Variants in GABRA3 observed in about 807,000 individuals in gnomAD.
GABRA3 encodes gamma-aminobutyric acid type A receptor subunit alpha3.
In GABRA3, 10 loss-of-function variants were observed where a neutral mutation model predicts 30.1. That is an observed-to-expected ratio of 0.33 (90% CI 0.20 to 0.56). GABRA3 has a LOEUF of 0.56. GABRA3 is among the 20% of genes least tolerant of loss of function. The pLI, the probability that GABRA3 is intolerant of heterozygous loss-of-function variation, is 0.89. For missense variants in GABRA3, 233 were observed against 392.0 expected, an observed-to-expected ratio of 0.59 and a Z score of 3.42; for synonymous variants, 151 against 146.8, an observed-to-expected ratio of 1.03 and a Z score of -0.21.
intron 4 of GABRA3, among the ~76,000 whole-genome samples, chrX:152,270,557 CAGA>C (rs1463694512): frequency 3.6e-5 from 4 of 110,952 alleles, no homozygotes; most frequent in Non-Finnish European, 5.7e-5. Context: ...TTGGAGGGCT[CAGA>C]AGAAGTCAGA....
chrX:152,395,117 A>C (rs1225367755), intron 1 of GABRA3, among the ~76,000 whole-genome samples: 1 of 111,125 alleles, frequency 9.0e-6, no homozygotes, highest in Non-Finnish European at 1.9e-5. Flanking sequence ...TGGTACAAAA[A>C]AAAGACTCAC....
chrX:152,298,228 TG>T (rs1420536617), intron 3 of GABRA3, among the ~76,000 whole-genome samples: 5 of 111,940 alleles, frequency 4.5e-5, no homozygotes, highest in African/African-American at 1.3e-4. Flanking sequence ...TTTCCTTGTC[TG>T]TTTTTTTTAT....
At chrX:152,296,387 T>C (rs1449431766) in intron 3 of GABRA3, among the ~76,000 whole-genome samples, 9 of 112,099 alleles carry the variant, frequency 8.0e-5, no homozygotes, top group African/African-American at 2.9e-4. Context: ...GGGACTAAGA[T>C]ACTATAAGTA....
At chrX:152,343,052 T>C (rs191864070) in intron 3 of GABRA3, among the ~76,000 whole-genome samples, 1 of 111,820 alleles carries the variant, frequency 8.9e-6, no homozygotes, top group Admixed American at 9.5e-5. Flanking sequence ...AAGCACCCTC[T>C]ACAGATTTCT....
intron 1 of GABRA3, among the ~76,000 whole-genome samples, chrX:152,367,199 A>G (rs1219740313): frequency 9.0e-6 from 1 of 111,252 alleles, no homozygotes; most frequent in African/African-American, 3.3e-5. Flanking sequence ...GTAGACAACC[A>G]TAGTGTATGC....
At chrX:152,309,824 T>G (rs1039413186) in intron 3 of GABRA3, among the ~76,000 whole-genome samples, 2 of 111,922 alleles carry the variant, frequency 1.8e-5, no homozygotes, top group African/African-American at 6.5e-5. Context: ...CCCAATTAAA[T>G]GGCACAGAGT....
At chrX:152,234,496 C>G (rs1357971950) in intron 5 of GABRA3, among the ~76,000 whole-genome samples, 1 of 111,097 alleles carries the variant, frequency 9.0e-6, no homozygotes. Context: ...TTTCTCTATT[C>G]TTGTTCTCAT....
intron 2 of GABRA3, among the ~76,000 whole-genome samples, chrX:152,359,537 T>G (rs1191255567): frequency 2.7e-5 from 3 of 111,268 alleles, no homozygotes; most frequent in Non-Finnish European, 5.7e-5. Context: ...TATGTTTTTT[T>G]GCATCTCAAT....
Position 152,426,533 on chromosome X carries a change from C to G in GABRA3, c.-27+24613G>C, listed in dbSNP as rs1366464484. ...CTTCATACTCAATTCTACTCTAGATCCAACCCTGTGGTGGGCATGGTGAGA... is the reference window on the plus strand; with the variant it reads ...CTTCATACTCAATTCTACTCTAGATGCAACCCTGTGGTGGGCATGGTGAGA... On this transcript the variant is annotated intron_variant, in intron 1 of 9. Coordinates refer to ENST00000370314, the MANE Select transcript of GABRA3 (RefSeq NM_000808.4). Among the ~76,000 whole-genome samples, 3 of 111,633 alleles carry G rather than the reference C, an allele frequency of 2.7e-5. No homozygotes were observed. The Admixed American group carries it at 2.8e-4, about 11-fold the overall frequency.
intron 1 of GABRA3, among the ~76,000 whole-genome samples, chrX:152,424,295 C>G (rs775527531): frequency 9.2e-6 from 1 of 109,100 alleles, no homozygotes; most frequent in East Asian, 2.9e-4. Flanking sequence ...AATTTTACCC[C>G]CTAACACCCC....
At chrX:152,407,603 A>C (rs1263464456) in intron 1 of GABRA3, among the ~76,000 whole-genome samples, 2 of 112,080 alleles carry the variant, frequency 1.8e-5, no homozygotes, top group Non-Finnish European at 3.8e-5. Context: ...CCATCAAAGA[A>C]AAGCTCAGGA....
intron 3 of GABRA3, 21 bp downstream of exon 3, chrX:152,345,560 A>G: frequency 8.4e-7 from 1 of 1,190,344 alleles, no homozygotes; most frequent in East Asian, 3.0e-5. Context: ...AAAGGACTTC[A>G]AAGATCTTAA....
intron 1 of GABRA3, among the ~76,000 whole-genome samples, chrX:152,408,890 GAA>G (rs1337410546): frequency 2.7e-5 from 3 of 111,482 alleles, no homozygotes; most frequent in Non-Finnish European, 5.6e-5. Context: ...CAATGGAATA[GAA>G]TAGATAAATC....
At chrX:152,405,766 G>T (rs1279167716) in intron 1 of GABRA3, among the ~76,000 whole-genome samples, 1 of 111,430 alleles carries the variant, frequency 9.0e-6, no homozygotes, top group Non-Finnish European at 1.9e-5. Context: ...GTCCTGGCAG[G>T]ATTCACCACC....
chrX:152,174,060 C>G (rs1210713705), intron 9 of GABRA3, among the ~76,000 whole-genome samples: 3 of 109,625 alleles, frequency 2.7e-5, no homozygotes, highest in African/African-American at 6.7e-5. Flanking sequence ...TTGTCCTTGC[C>G]ATAGTTTGCT....
Position 152,168,393 on chromosome X carries a change from G to A in GABRA3, c.1314C>T (p.Tyr438=), listed in dbSNP as rs201798009. The change falls in exon 10 of 10, where the codon TAC becomes TAT. Residue 438 remains tyrosine (Y), a synonymous_variant. Transcript: ENST00000370314. ...TGGTCTCAGTCGGGCTGTCCTGCAC[G>A]TAGGTGGCCTTGGGTGAAGCAATGA... The part of the protein sequence containing the change: ...PTIIASPKAT[Y]VQDSPTETKT... The A allele has an allele frequency of 2.6e-5, 32 of 1,210,463 alleles. No homozygotes were observed. Among genetic ancestry groups the A allele is most frequent in the Middle Eastern group, 2.3e-4 (1 of 4,374 alleles).
At chrX:152,336,492 A>G (rs1242637150) in intron 3 of GABRA3, among the ~76,000 whole-genome samples, 1 of 112,092 alleles carries the variant, frequency 8.9e-6, no homozygotes, top group Non-Finnish European at 1.9e-5. Context: ...CACCCATCCC[A>G]TAAGTTTAAA....
intron 1 of GABRA3, among the ~76,000 whole-genome samples, chrX:152,424,028 A>C (rs755675759): frequency 9.0e-6 from 1 of 111,679 alleles, no homozygotes; most frequent in African/African-American, 3.2e-5. Flanking sequence ...GTGGGAAAAG[A>C]ACATGATTCA....
chrX:152,201,568 G>T (rs188625893), intron 7 of GABRA3, among the ~76,000 whole-genome samples: 2 of 111,493 alleles, frequency 1.8e-5, no homozygotes, highest in East Asian at 2.8e-4. Context: ...TGATTTGGGG[G>T]AATTTTCTCC....
Sources: allele counts gnomAD v4.1 joint callset (sites outside exome capture counted in the v4.1 genomes callset), GRCh38; gene constraint gnomAD v4.1.1; transcripts MANE v1.5; gene names NCBI Gene and HGNC (gene_info 2026-07-23, HGNC 2026-07-21).